MYCT1: variants seen among roughly 807,000 people sequenced by gnomAD.
MYCT1 encodes the protein myc target protein 1.
Under a neutral mutation model 15.0 loss-of-function variants are expected in MYCT1, and 12 were observed. That is an observed-to-expected ratio of 0.80 (90% CI 0.51 to 1.29). The LOEUF (loss-of-function observed/expected upper bound fraction) is 1.29, where lower values mean the gene tolerates loss of function less well. MYCT1 is among the 50% of genes most tolerant of loss of function. The pLI, the probability that MYCT1 is intolerant of heterozygous loss-of-function variation, is 0.00. For synonymous variants in MYCT1, 104 were observed against 102.7 expected (o/e 1.01, Z -0.07); for missense variants, 287 against 279.1 (o/e 1.03, Z -0.20).
intron 1 of MYCT1, among the ~76,000 whole-genome samples, chr6:152,705,041 G>A (rs952350730): frequency 3.3e-5 from 5 of 152,198 alleles, no homozygotes; most frequent in African/African-American, 9.6e-5. Flanking sequence ...ATCATTCTCT[G>A]CTTTTATAAC....
the MYCT1 span, among the ~76,000 whole-genome samples, chr6:152,743,271 G>T: frequency 3.3e-5 from 5 of 152,226 alleles, no homozygotes; most frequent in East Asian, 9.7e-4. Context: ...ATGCCATGTT[G>T]GTCAGGCTGG....
downstream of MYCT1, among the ~76,000 whole-genome samples, chr6:152,727,579 T>C (rs561009654): frequency 3.2e-4 from 49 of 152,290 alleles, 2 homozygotes; most frequent in South Asian, 9.9e-3. Context: ...AGATCTTCAT[T>C]GTGGTGTAAG....
the MYCT1 span, among the ~76,000 whole-genome samples, chr6:152,737,889 A>G: frequency 1.3e-5 from 2 of 152,094 alleles, no homozygotes; most frequent in Non-Finnish European, 2.9e-5. Flanking sequence ...TAAAGAGTTT[A>G]TTTAAGTGAT....
intron 1 of MYCT1, among the ~76,000 whole-genome samples, chr6:152,703,804 A>G (rs1039574520): frequency 5.3e-5 from 8 of 152,082 alleles, no homozygotes; most frequent in African/African-American, 1.9e-4. Flanking sequence ...AGACTTTAAG[A>G]TTTTAGCTTT....
At position 152,723,435 on chromosome 6, in the gene MYCT1, C is replaced by T. The variant is rs2099725065; in HGVS notation, c.*1182C>T. The stretch of plus-strand genomic sequence containing the variant: ...TCTAGCAACTTGGAAAGCACTTTCT[C>T]TGGGGATCTTCTTTTGTAACTTTGC... On this transcript the variant is annotated 3_prime_UTR_variant, in exon 2 of 2. Transcript: ENST00000367245. 6.6e-6 allele frequency: 1 copy of T among 152,200 alleles called. No individual in the cohort carries two copies. The highest frequency in any genetic ancestry group is 1.5e-5 in the Non-Finnish European group (1 of 68,030). 9.4% of individuals were successfully genotyped at this position (152,200 alleles called of 1,614,324 possible).
chr6:152,721,638 A>T, intron 1 of MYCT1, 104 bp from the exon 2 acceptor site: 1 of 1,077,008 alleles, frequency 9.3e-7, no homozygotes, highest in African/African-American at 1.6e-5. Flanking sequence ...AAGTATGTTT[A>T]AATTAATCAT....
At chr6:152,731,025 A>C in the MYCT1 span, among the ~76,000 whole-genome samples, 1 of 152,228 alleles carries the variant, frequency 6.6e-6, no homozygotes, top group East Asian at 1.9e-4. Flanking sequence ...AATTTAAAGC[A>C]TAAGATATCA....
the MYCT1 span, among the ~76,000 whole-genome samples, chr6:152,738,596 C>T: frequency 1.3e-5 from 2 of 151,752 alleles, no homozygotes; most frequent in Non-Finnish European, 2.9e-5. Flanking sequence ...ATTTTTTTTC[C>T]TGCTGAATAT....
downstream of MYCT1, among the ~76,000 whole-genome samples, chr6:152,726,406 A>AAT (rs1263245618): frequency 1.3e-5 from 2 of 151,806 alleles, no homozygotes; most frequent in Non-Finnish European, 2.9e-5. Context: ...TAAAAAAAAA[A>AAT]AAAAAAAGAG....
At chr6:152,721,691 G>A (rs762742236) in intron 1 of MYCT1, 51 bp from the exon 2 acceptor site, 3 of 1,542,186 alleles carry the variant, frequency 1.9e-6, no homozygotes, top group Non-Finnish European at 2.6e-6. Context: ...CTTGTTTTTA[G>A]TTGAAAACCT....
At chr6:152,704,183 G>A (rs145336826) in intron 1 of MYCT1, among the ~76,000 whole-genome samples, 9 of 151,734 alleles carry the variant, frequency 5.9e-5, no homozygotes, top group Non-Finnish European at 1.3e-4. Context: ...TTTTGTATTT[G>A]TAGAGACAAG....
chr6:152,718,274 G>A (rs2099724091), intron 1 of MYCT1, among the ~76,000 whole-genome samples: 1 of 152,100 alleles, frequency 6.6e-6, no homozygotes, highest in East Asian at 1.9e-4. Flanking sequence ...GCCCATTAGA[G>A]TTTGGATATT....
At position 152,722,281 on chromosome 6, in the gene MYCT1, T is replaced by C. The variant is rs1565395821; in HGVS notation, c.*28T>C. The C allele has an allele frequency of 6.4e-7, 1 of 1,567,268 alleles. No individual in the cohort carries two copies. The highest frequency in any genetic ancestry group is 2.0e-5 in the Admixed American group (1 of 50,532). On this transcript the variant is annotated 3_prime_UTR_variant, in exon 2 of 2. Coordinates refer to ENST00000367245, the MANE Select transcript of MYCT1 (RefSeq NM_025107.3). ...AGGGTGGCTTTTGGTTTTTGTTTCT[T>C]TCTTGTCTTGTCTTTTATTGAAAGG... is the stretch of plus-strand genomic sequence containing the variant.
the MYCT1 span, among the ~76,000 whole-genome samples, chr6:152,735,413 A>G: frequency 1.3e-5 from 2 of 151,720 alleles, no homozygotes; most frequent in Non-Finnish European, 2.9e-5. Flanking sequence ...AAATTTTCCT[A>G]GTAGATACTT....
At chr6:152,727,753 C>G (rs1322006690), downstream of MYCT1, among the ~76,000 whole-genome samples, 1 of 152,182 alleles carries the variant, frequency 6.6e-6, no homozygotes, top group Non-Finnish European at 1.5e-5. Flanking sequence ...CTCCCAATGG[C>G]TGTCACTCTG....
At chr6:152,707,102 G>A (rs1262348029) in intron 1 of MYCT1, among the ~76,000 whole-genome samples, 1 of 152,018 alleles carries the variant, frequency 6.6e-6, no homozygotes, top group African/African-American at 2.4e-5. Context: ...CACAATGGCT[G>A]CATCAATTTA....
chr6:152,726,029 C>T (rs1427690747), downstream of MYCT1, among the ~76,000 whole-genome samples: 1 of 152,214 alleles, frequency 6.6e-6, no homozygotes, highest in Non-Finnish European at 1.5e-5. Flanking sequence ...TTTGAATAAA[C>T]TTCCATTACT....
chr6:152,722,678 T>C lies in MYCT1; in HGVS notation c.*425T>C. On this transcript the variant is annotated 3_prime_UTR_variant, in exon 2 of 2. Coordinates refer to ENST00000367245, the MANE Select transcript of MYCT1 (RefSeq NM_025107.3). Reference sequence around the variant, plus strand: ...TTAAAGAAAAATCTTCTAAGGGATTTGGATTTTACTTTCTTTAGAATGACA... The same window carrying C: ...TTAAAGAAAAATCTTCTAAGGGATTCGGATTTTACTTTCTTTAGAATGACA... 3.2e-6 allele frequency: 1 copy of C among 311,268 alleles called. No homozygotes were observed. The highest frequency in any genetic ancestry group is 9.4e-5 in the East Asian group (1 of 10,640). The allele number at this position is 311,268 out of a possible 1,614,324, so 19.3% of individuals were successfully genotyped here. A position where few individuals can be genotyped will look rare whatever the true frequency, so the allele number is the denominator to read the frequency against.
intron 1 of MYCT1, among the ~76,000 whole-genome samples, chr6:152,717,323 T>C (rs2099723856): frequency 6.6e-6 from 1 of 152,186 alleles, no homozygotes; most frequent in South Asian, 2.1e-4. Context: ...CCTCAGGAAG[T>C]CTTAGAAATT....
Sources: allele counts gnomAD v4.1 joint callset (sites outside exome capture counted in the v4.1 genomes callset), GRCh38; gene constraint gnomAD v4.1.1; transcripts MANE v1.5; gene names NCBI Gene and HGNC (gene_info 2026-07-23, HGNC 2026-07-21).